CD46: variants seen among roughly 807,000 people sequenced by gnomAD.
The protein encoded by CD46 is membrane cofactor protein.
A neutral mutation model predicts 53.3 loss-of-function variants in CD46; 30 were observed. The ratio of observed to expected loss-of-function variants is 0.56; its 90% CI spans 0.42 to 0.76. The LOEUF (loss-of-function observed/expected upper bound fraction) is 0.76. Ranked by LOEUF, CD46 falls within the 30% of genes least tolerant of loss-of-function variation. The probability of loss-of-function intolerance (pLI) is 0.00; values close to 1 mark genes in which losing one functional copy is unlikely to be tolerated. For missense variants in CD46, 409 were observed against 463.0 expected (o/e 0.88, Z 1.07); for synonymous variants, 142 against 152.0 (o/e 0.93, Z 0.48).
chr1:207,753,139 C>T (rs1376828712), intron 1 of CD46, among the ~76,000 whole-genome samples: 1 of 152,108 alleles, frequency 6.6e-6, no homozygotes, highest in Non-Finnish European at 1.5e-5. Context: ...TATCTGATTC[C>T]ATTGCCTAAT....
At chr1:207,778,820 A>G (rs888063836) in intron 8 of CD46, among the ~76,000 whole-genome samples, 1 of 152,186 alleles carries the variant, frequency 6.6e-6, no homozygotes, top group African/African-American at 2.4e-5. Context: ...AGTTCTGTGA[A>G]GAATGTCGTT....
chr1:207,773,007 C>T (rs60881002), intron 8 of CD46, among the ~76,000 whole-genome samples: 3,497 of 152,210 alleles, frequency 0.023, 149 homozygotes, highest in African/African-American at 0.078. Context: ...TGGTTGAATT[C>T]GGCTGTGAAT....
chr1:207,774,745 G>C (rs971199030), intron 8 of CD46, among the ~76,000 whole-genome samples: 3 of 152,224 alleles, frequency 2.0e-5, no homozygotes, highest in African/African-American at 7.2e-5. Context: ...TTTCTGCTGA[G>C]ACATCCGCTG....
At chr1:207,792,039 T>C (rs1558085921) in intron 12 of CD46, among the ~76,000 whole-genome samples, 1 of 152,078 alleles carries the variant, frequency 6.6e-6, no homozygotes. Context: ...TCCCAGCACT[T>C]TGGGAGGCCG....
intron 8 of CD46, among the ~76,000 whole-genome samples, chr1:207,775,167 G>A (rs1427163714): frequency 3.3e-5 from 5 of 151,900 alleles, no homozygotes; most frequent in African/African-American, 1.2e-4. Context: ...CCACTTGATC[G>A]AATCAGCTAT....
intron 8 of CD46, among the ~76,000 whole-genome samples, chr1:207,777,816 G>A (rs1658279997): frequency 6.6e-6 from 1 of 152,174 alleles, no homozygotes; most frequent in Non-Finnish European, 1.5e-5. Context: ...TAATGGGATT[G>A]CTGGGTTGAA....
chr1:207,775,639 G>A (rs1003095337), intron 8 of CD46, among the ~76,000 whole-genome samples: 1 of 152,182 alleles, frequency 6.6e-6, no homozygotes, highest in Non-Finnish European at 1.5e-5. Flanking sequence ...GTGTGTTGGA[G>A]TTTGCTGGAG....
chr1:207,768,420 T>C (rs1657099080), intron 7 of CD46: 1 of 152,938 alleles, frequency 6.5e-6, no homozygotes, highest in Admixed American at 6.5e-5. Context: ...AGTTTGAGTC[T>C]TCTGATGTAA....
rs370734222 is a variant in CD46 at position 207,776,322 on chromosome 1, C to T, written c.943+5960C>T. ...GAAAGGGAAATCCCCCAAGTCCTTGCGCTTCCGGGTGAGGCGATGCCCCGC... is the reference window on the plus strand; with the variant it reads ...GAAAGGGAAATCCCCCAAGTCCTTGTGCTTCCGGGTGAGGCGATGCCCCGC... On this transcript the variant is annotated intron_variant, in intron 8 of 12. Coordinates refer to ENST00000367042, the MANE Select transcript of CD46 (RefSeq NM_172351.3). 8.5e-5 allele frequency among the ~76,000 whole-genome samples: 13 copies of T among 152,330 alleles called. No homozygotes were observed. In the South Asian group the frequency reaches 2.3e-3, roughly 27 times the overall value.
chr1:207,785,618 G>C lies in CD46; in HGVS notation c.1019-1G>C. 6.2e-7 allele frequency: 1 copy of C among 1,604,022 alleles called. No homozygotes were observed. Among genetic ancestry groups the C allele is most frequent in the Non-Finnish European group, 8.5e-7 (1 of 1,171,124 alleles). On this transcript the variant is annotated splice_acceptor_variant, in intron 10 of 12. Transcript: ENST00000367042. LOFTEE classifies it high-confidence loss of function. ...GTCATTTGTTTCCTGGTTTCTTATA[G>C]TTGTTGGAGTTGCAGTAATTTGTGT...
chr1:207,786,691 A>G (rs1251102377), intron 11 of CD46, among the ~76,000 whole-genome samples: 1 of 152,196 alleles, frequency 6.6e-6, no homozygotes, highest in Admixed American at 6.5e-5. Context: ...GGTTTGGGCT[A>G]AGTCATAAAA....
intron 3 of CD46, among the ~76,000 whole-genome samples, chr1:207,759,107 C>T (rs41317073): frequency 0.021 from 3,256 of 152,288 alleles, 124 homozygotes; most frequent in African/African-American, 0.074. Context: ...AGCTAAAACT[C>T]ATGTAGCACT....
chr1:207,772,611 G>C (rs764658585), intron 8 of CD46, among the ~76,000 whole-genome samples: 25 of 152,080 alleles, frequency 1.6e-4, no homozygotes, highest in Non-Finnish European at 2.6e-4. Flanking sequence ...TAGCATGAAG[G>C]GCTGTTGAAT....
intron 8 of CD46, among the ~76,000 whole-genome samples, chr1:207,775,790 G>A (rs1658034819): frequency 6.6e-6 from 1 of 152,208 alleles, no homozygotes; most frequent in Admixed American, 6.5e-5. Context: ...GGCCGCTACT[G>A]GGAGGTCTTT....
chr1:207,785,795 A>AAAG (rs1443070999), intron 11 of CD46, 113 bp downstream of exon 11: 13 of 752,210 alleles, frequency 1.7e-5, no homozygotes, highest in Non-Finnish European at 3.0e-5. Flanking sequence ...TTTTTTTAAA[A>AAAG]AAATGCCTGC....
At chr1:207,777,770 G>A (rs1366827168) in intron 8 of CD46, among the ~76,000 whole-genome samples, 1 of 152,062 alleles carries the variant, frequency 6.6e-6, no homozygotes, top group Non-Finnish European at 1.5e-5. Context: ...TATCTTTATG[G>A]CAGAATGATT....
At chr1:207,763,665 C>T (rs982226807) in intron 5 of CD46, among the ~76,000 whole-genome samples, 2 of 151,780 alleles carry the variant, frequency 1.3e-5, no homozygotes, top group African/African-American at 4.8e-5. Flanking sequence ...AGTTTTATCT[C>T]TGAATATTTT....
intron 5 of CD46, among the ~76,000 whole-genome samples, chr1:207,765,237 G>A (rs1477799103): frequency 6.6e-6 from 1 of 152,124 alleles, no homozygotes; most frequent in East Asian, 1.9e-4. Context: ...CAAAGAAAAT[G>A]TTTGACAGAA....
chr1:207,777,987 G>T (rs575658552), intron 8 of CD46, among the ~76,000 whole-genome samples: 46 of 152,220 alleles, frequency 3.0e-4, no homozygotes, highest in Non-Finnish European at 6.2e-4. Context: ...CATTCTGACT[G>T]GTGTGAAATG....
Sources: gnomAD v4.1 joint callset for allele counts (sites outside exome capture counted in the v4.1 genomes callset) on GRCh38, gnomAD v4.1.1 for gene constraint, MANE v1.5 for transcripts, NCBI Gene and HGNC (gene_info 2026-07-23, HGNC 2026-07-21) for gene names.